Variants in SEL1L2 observed in about 807,000 individuals in gnomAD.
SEL1L2 encodes SEL1L2 adaptor subunit of SYVN1 ubiquitin ligase.
Under a neutral mutation model 98.8 loss-of-function variants are expected in SEL1L2, and 89 were observed. The observed-to-expected ratio is 0.90, with a 90% CI of 0.76 to 1.07. The LOEUF (loss-of-function observed/expected upper bound fraction) is 1.07, where lower values mean the gene tolerates loss of function less well. Among genes scored for constraint, SEL1L2 ranks in the 50% least tolerant of loss-of-function variants. The pLI is 0.00. For synonymous variants in SEL1L2, 262 were observed against 278.5 expected, an observed-to-expected ratio of 0.94 and a Z score of 0.59; for missense variants, 788 against 812.0, an observed-to-expected ratio of 0.97 and a Z score of 0.36.
rs375356987 is a variant in SEL1L2, at chr20:13,913,957, T to C, written c.387-13A>G. On this transcript the variant is annotated splice_polypyrimidine_tract_variant and intron_variant, in intron 4 of 19. Coordinates refer to ENST00000284951, the MANE Select transcript of SEL1L2 (RefSeq NM_025229.2). ...AAGTAGGTAGGCTCTGTTTCAAGAA[T>C]ATAAAGTCAAGTTTGATTTTCAAAA... 2.5e-5 allele frequency: 39 copies of C among 1,546,748 alleles called. No homozygotes were observed. Among genetic ancestry groups the C allele is most frequent in the East Asian group, 2.4e-5 (1 of 40,824 alleles).
intron 5 of SEL1L2, chr20:13,913,541 T>C (rs2048287077): frequency 8.6e-6 from 3 of 348,880 alleles, no homozygotes; most frequent in Non-Finnish European, 1.5e-5. Context: ...CCTAAGATAA[T>C]AGACAGTTTC....
At chr20:13,865,831 CTGTGTGTG>C (rs11467978) in intron 15 of SEL1L2, among the ~76,000 whole-genome samples, 1 of 150,048 alleles carries the variant, frequency 6.7e-6, no homozygotes, top group Non-Finnish European at 1.5e-5. Flanking sequence ...GTGTGTGTGT[CTGTGTGTG>C]TGTGTGTGTG....
intron 1 of SEL1L2, among the ~76,000 whole-genome samples, chr20:13,963,679 G>A (rs113833656): frequency 6.6e-6 from 1 of 151,862 alleles, no homozygotes; most frequent in South Asian, 2.1e-4. Flanking sequence ...TTGAACCGCT[G>A]TACTCCAGCC....
At chr20:13,940,495 T>C (rs1042126686) in intron 2 of SEL1L2, among the ~76,000 whole-genome samples, 1 of 152,066 alleles carries the variant, frequency 6.6e-6, no homozygotes, top group Non-Finnish European at 1.5e-5. Context: ...GGGGGTGATA[T>C]CATACAGGGA....
chr20:13,979,692 A>G (rs2051716092), intron 1 of SEL1L2, among the ~76,000 whole-genome samples: 1 of 152,226 alleles, frequency 6.6e-6, no homozygotes, highest in Non-Finnish European at 1.5e-5. Flanking sequence ...AAATAAACCC[A>G]GTCACTTTGT....
intron 19 of SEL1L2, among the ~76,000 whole-genome samples, 166 bp from the exon 20 acceptor site, chr20:13,849,770 G>T (rs1363158525): frequency 6.6e-6 from 1 of 152,046 alleles, no homozygotes; most frequent in African/African-American, 2.4e-5. Flanking sequence ...CTTCCACAAG[G>T]GGCTTAAATA....
chr20:13,989,257 A>G (rs950956469), intron 1 of SEL1L2, among the ~76,000 whole-genome samples: 4 of 152,132 alleles, frequency 2.6e-5, no homozygotes, highest in African/African-American at 4.8e-5. Context: ...AGTTTCTTTC[A>G]TAATTTCATT....
At position 13,897,530 on chromosome 20, in the gene SEL1L2, TA is replaced by T. The variant is rs145068727; in HGVS notation, c.550-9019del. Among the ~76,000 whole-genome samples, 345 of 152,286 alleles carry T rather than the reference TA, an allele frequency of 2.3e-3. 7 individuals carry two copies. The East Asian group carries it at 0.057, about 25-fold the overall frequency. ...TTAAGGGATTAACATCCAGAATGTA[TA>T]AAAATTCTTACAACTCAATAACAAA... On this transcript the variant is annotated intron_variant, in intron 5 of 19. Transcript: ENST00000284951.
intron 12 of SEL1L2, among the ~76,000 whole-genome samples, chr20:13,873,680 A>G (rs1568866362): frequency 6.6e-6 from 1 of 152,160 alleles, no homozygotes; most frequent in Non-Finnish European, 1.5e-5. Flanking sequence ...TTTTTAAAAC[A>G]CTTTCTGGGC....
intron 5 of SEL1L2, among the ~76,000 whole-genome samples, chr20:13,891,190 G>A (rs1422001991): frequency 6.6e-6 from 1 of 151,634 alleles, no homozygotes; most frequent in Non-Finnish European, 1.5e-5. Flanking sequence ...TGAACCCGAA[G>A]AGCCCCAAAC....
At chr20:13,913,234 A>G (rs970413427) in intron 5 of SEL1L2, among the ~76,000 whole-genome samples, 1 of 152,264 alleles carries the variant, frequency 6.6e-6, no homozygotes, top group Admixed American at 6.5e-5. Flanking sequence ...CTTTTGCTAC[A>G]GCATGAAGTG....
intron 3 of SEL1L2, among the ~76,000 whole-genome samples, chr20:13,919,916 C>T (rs1224843774): frequency 8.2e-5 from 11 of 133,812 alleles, no homozygotes; most frequent in South Asian, 5.0e-4. Context: ...CAGAGCGAGA[C>T]TCCGTCTCAA....
At chr20:13,975,759 G>C (rs2051502553) in intron 1 of SEL1L2, among the ~76,000 whole-genome samples, 1 of 152,186 alleles carries the variant, frequency 6.6e-6, no homozygotes, top group African/African-American at 2.4e-5. Context: ...AATCTGCTAA[G>C]GGAGTTAAAA....
At chr20:13,868,607 T>TTTC (rs149665961) in intron 14 of SEL1L2, among the ~76,000 whole-genome samples, 1 of 107,124 alleles carries the variant, frequency 9.3e-6, no homozygotes, top group East Asian at 2.0e-4. Flanking sequence ...TCTTTCTTAC[T>TTTC]TTTTTTTTTT....
chr20:13,950,987 T>C (rs2050232878), intron 2 of SEL1L2, among the ~76,000 whole-genome samples: 1 of 151,976 alleles, frequency 6.6e-6, no homozygotes, highest in Admixed American at 6.6e-5. Flanking sequence ...AAGAAAATAC[T>C]GATTAGAGGC....
chr20:13,855,601 G>A (rs949230941), intron 18 of SEL1L2, among the ~76,000 whole-genome samples: 31 of 152,300 alleles, frequency 2.0e-4, no homozygotes, highest in African/African-American at 5.1e-4. Flanking sequence ...ATTCCAAAGC[G>A]TATGTTCCTG....
intron 8 of SEL1L2, 150 bp from the exon 9 acceptor site, chr20:13,886,592 A>C: frequency 2.6e-6 from 2 of 764,784 alleles, no homozygotes; most frequent in South Asian, 2.0e-5. Flanking sequence ...AAAAATAGAA[A>C]TTTTCAGATT....
At chr20:13,956,388 T>A in intron 1 of SEL1L2, among the ~76,000 whole-genome samples, 1 of 152,238 alleles carries the variant, frequency 6.6e-6, no homozygotes, top group South Asian at 2.1e-4. Flanking sequence ...GTTAATAACA[T>A]GAAAGAGTTC....
At chr20:13,870,922 CA>C (rs534578783) in intron 12 of SEL1L2, among the ~76,000 whole-genome samples, 3,431 of 53,184 alleles carry the variant, frequency 0.065, 77 homozygotes, top group African/African-American at 0.2. Context: ...AACTCCATCT[CA>C]AAAAAAAAAA....
Sources: allele counts gnomAD v4.1 joint callset (sites outside exome capture counted in the v4.1 genomes callset), GRCh38; gene constraint gnomAD v4.1.1; transcripts MANE v1.5; gene names NCBI Gene and HGNC (gene_info 2026-07-23, HGNC 2026-07-21).